LONP2: variants seen among roughly 807,000 people sequenced by gnomAD.
LONP2 encodes lon peptidase 2, peroxisomal.
Under a neutral mutation model 85.6 loss-of-function variants are expected in LONP2, and 60 were observed. The observed-to-expected ratio is 0.70, with a 90% CI of 0.57 to 0.87. The LOEUF (loss-of-function observed/expected upper bound fraction) is 0.87, where lower values mean the gene tolerates loss of function less well. LONP2 is among the 40% of genes least tolerant of loss of function. LONP2 has a pLI of 0.00. For missense variants in LONP2, 860 were observed against 1,063.5 expected (o/e 0.81, Z 2.66); for synonymous variants, 395 against 389.7 (o/e 1.01, Z -0.16).
intron 11 of LONP2, among the ~76,000 whole-genome samples, chr16:48,322,574 T>A (rs142489741): frequency 6.6e-6 from 1 of 152,114 alleles, no homozygotes; most frequent in African/African-American, 2.4e-5. Context: ...TCTAAAATAA[T>A]GATGAAAAGC....
At chr16:48,334,521 T>A in intron 12 of LONP2, 163 bp downstream of exon 12, 2 of 833,406 alleles carry the variant, frequency 2.4e-6, no homozygotes, top group Non-Finnish European at 4.0e-6. Context: ...CCGCACTTCT[T>A]GCAGCAGTTG....
In LONP2 at chr16:48,362,539, C is replaced by A. The variant is rs959500245; in HGVS notation, c.*676C>A. 2.4e-5 allele frequency: 27 copies of A among 1,130,270 alleles called. No homozygotes were observed. The highest frequency in any genetic ancestry group is 3.4e-5 in the Non-Finnish European group (27 of 792,206). The allele number at this position is 1,130,270 out of a possible 1,614,324, so 70.0% of individuals were successfully genotyped here. A position where few individuals can be genotyped will look rare whatever the true frequency, so the allele number is the denominator to read the frequency against. ...CTTTTAAAGTTTCATACAAAATTTA[C>A]TGAGCAAAAGAGGAAGAAAAATAGG... On this transcript the variant is annotated 3_prime_UTR_variant, in exon 5 of 5. Coordinates refer to the LONP2 transcript ENST00000565867. This position sits in a 1 kb window ranked among gnomAD's most constrained non-coding sequence, Gnocchi z 4.2.
chr16:48,340,396 A>T lies in LONP2; in HGVS notation c.1938+6038A>T, dbSNP rs141658466. On this transcript the variant is annotated intron_variant, in intron 12 of 14. Coordinates refer to ENST00000285737, the MANE Select transcript of LONP2 (RefSeq NM_031490.5). ...ACTACCATACTCCCTAAAAACAGAG[A>T]CCTACCCCCAATCACCAAAAAATCC... Among the ~76,000 whole-genome samples, 349 of 152,330 alleles carry T rather than the reference A, an allele frequency of 2.3e-3. 3 individuals are homozygous for T. Among genetic ancestry groups the T allele is most frequent in the African/African-American group, 8.2e-3 (341 of 41,568 alleles).
chr16:48,362,762 C>A lies in LONP2; in HGVS notation c.*899C>A, dbSNP rs75690258. The stretch of plus-strand genomic sequence containing the variant: ...ACAACTAAAGAAACTATACAAGGAA[C>A]TGAAGTTTAATCGAATCCGTTTTGC... On this transcript the variant is annotated 3_prime_UTR_variant, in exon 5 of 5. Coordinates refer to the LONP2 transcript ENST00000565867. The surrounding 1 kb of genome is among the most constrained non-coding windows in gnomAD (Gnocchi z 4.2). 4.3e-6 allele frequency: 1 copy of A among 231,974 alleles called. No homozygotes were observed. The highest frequency in any genetic ancestry group is 9.2e-6 in the Non-Finnish European group (1 of 109,046). The allele number at this position is 231,974 out of a possible 1,614,324, so 14.4% of individuals were successfully genotyped here. A position where few individuals can be genotyped will look rare whatever the true frequency, so the allele number is the denominator to read the frequency against.
chr16:48,273,851 A>T (rs74016378), intron 7 of LONP2, among the ~76,000 whole-genome samples: 2,085 of 152,286 alleles, frequency 0.014, 48 homozygotes, highest in African/African-American at 0.047. Context: ...CTGTTTACTT[A>T]GATAATAAAA....
intron 1 of LONP2, among the ~76,000 whole-genome samples, chr16:48,250,247 C>A (rs1971602240): frequency 6.6e-6 from 1 of 151,556 alleles, no homozygotes; most frequent in African/African-American, 2.4e-5. Context: ...CTTTGGGAGG[C>A]CAAGGTGGGC....
intron 7 of LONP2, among the ~76,000 whole-genome samples, chr16:48,274,210 C>A (rs1158262905): frequency 6.6e-6 from 1 of 152,152 alleles, no homozygotes; most frequent in Non-Finnish European, 1.5e-5. Context: ...TCACTCTTCT[C>A]TAAACTGACC....
chr16:48,351,850 G>C lies in LONP2; in HGVS notation c.*48G>C. On this transcript the variant is annotated 3_prime_UTR_variant, in exon 15 of 15. Coordinates refer to ENST00000285737, the MANE Select transcript of LONP2 (RefSeq NM_031490.5). Reference sequence around the variant, plus strand: ...ATTTTAAGTTATGAAGTGCTCAAAGGTACTGACACAGTTGATTTTATTCAC... The same window carrying C: ...ATTTTAAGTTATGAAGTGCTCAAAGCTACTGACACAGTTGATTTTATTCAC... 1 of 1,465,084 alleles carries C rather than the reference G, an allele frequency of 6.8e-7. No individual in the cohort carries two copies. Among genetic ancestry groups the C allele is most frequent in the Non-Finnish European group, 9.5e-7 (1 of 1,050,360 alleles). 90.8% of individuals were successfully genotyped at this position (1,465,084 alleles called of 1,614,324 possible). A position where few individuals can be genotyped will look rare whatever the true frequency, so the allele number is the denominator to read the frequency against.
chr16:48,299,655 T>C lies in LONP2; in HGVS notation c.1535-7T>C. The C allele has an allele frequency of 6.3e-7, 1 of 1,599,534 alleles. No individual in the cohort carries two copies. The highest frequency in any genetic ancestry group is 8.5e-7 in the Non-Finnish European group (1 of 1,176,152). On this transcript the variant is annotated splice_polypyrimidine_tract_variant and splice_region_variant and intron_variant, in intron 9 of 14. Coordinates refer to ENST00000285737, the MANE Select transcript of LONP2 (RefSeq NM_031490.5). ...ATAATTACAAAACAAGATCTCTTCT[T>C]TTCCAGGTTATACACAGGAGGAGAA...
chr16:48,255,534 C>G (rs187592234), intron 2 of LONP2, among the ~76,000 whole-genome samples: 1 of 152,186 alleles, frequency 6.6e-6, no homozygotes, highest in Non-Finnish European at 1.5e-5. Context: ...CCCAGATATA[C>G]GCTGACAGTT....
rs1960184609 is a variant in LONP2, at chr16:48,352,624, A to ACTGT, written c.*825_*828dup. 1 of 152,146 alleles carries ACTGT rather than the reference A, an allele frequency of 6.6e-6. No homozygotes were observed. The highest frequency in any genetic ancestry group is 1.5e-5 in the Non-Finnish European group (1 of 68,074). 9.4% of individuals were successfully genotyped at this position (152,146 alleles called of 1,614,324 possible). ...ACTCCAGCCTGGCTGACAGAGCGAG[A>ACTGT]CTGTCTCTAAAAAAAAAAGACTCAA... On this transcript the variant is annotated 3_prime_UTR_variant, in exon 15 of 15. Coordinates refer to ENST00000285737, the MANE Select transcript of LONP2 (RefSeq NM_031490.5).
At chr16:48,244,666 C>T in intron 1 of LONP2, 45 bp downstream of exon 1, 1 of 1,279,502 alleles carries the variant, frequency 7.8e-7, no homozygotes, top group East Asian at 3.2e-5. Context: ...GCGCGGCCTC[C>T]TCCGGGGACC....
chr16:48,279,937 C>T (rs991303981), intron 8 of LONP2, among the ~76,000 whole-genome samples: 1 of 152,148 alleles, frequency 6.6e-6, no homozygotes. Context: ...GGAGACCATA[C>T]ATTCTGGTTT....
At chr16:48,359,613 G>C (rs1960498991), downstream of LONP2, among the ~76,000 whole-genome samples, 1 of 152,046 alleles carries the variant, frequency 6.6e-6, no homozygotes, top group Non-Finnish European at 1.5e-5. Context: ...CTACTCTGGA[G>C]GCTGAGGAAG....
At chr16:48,319,716 GC>G (rs1973222293) in intron 11 of LONP2, among the ~76,000 whole-genome samples, 1 of 152,104 alleles carries the variant, frequency 6.6e-6, no homozygotes. Flanking sequence ...AGACAAAACT[GC>G]AGTCTTTTAT....
chr16:48,358,402 A>G (rs1960453892), downstream of LONP2, among the ~76,000 whole-genome samples: 1 of 152,256 alleles, frequency 6.6e-6, no homozygotes. Flanking sequence ...GTAAAATTAC[A>G]GTGAATCCTC....
chr16:48,337,146 G>A (rs1481320552), intron 12 of LONP2, among the ~76,000 whole-genome samples: 2 of 152,222 alleles, frequency 1.3e-5, no homozygotes, highest in African/African-American at 2.4e-5. Flanking sequence ...GTGGCAGTTG[G>A]TAGAGTTAGG....
intron 6 of LONP2, among the ~76,000 whole-genome samples, chr16:48,268,055 G>A (rs1972028384): frequency 1.3e-5 from 2 of 152,160 alleles, no homozygotes; most frequent in African/African-American, 4.8e-5. Context: ...GGAGTCAGTA[G>A]ATACCATTTC....
chr16:48,249,654 T>G (rs867886062), intron 1 of LONP2, among the ~76,000 whole-genome samples: 44 of 151,956 alleles, frequency 2.9e-4, no homozygotes, highest in Admixed American at 2.9e-3. Context: ...GATGGGAGGA[T>G]TGCTTGAGGC....
Sources: allele counts gnomAD v4.1 joint callset (sites outside exome capture counted in the v4.1 genomes callset), GRCh38; gene constraint gnomAD v4.1.1; non-coding constraint Gnocchi (gnomAD v3.1); transcripts MANE v1.5; gene names NCBI Gene and HGNC (gene_info 2026-07-23, HGNC 2026-07-21).